Variants in CD58 observed in about 807,000 individuals in gnomAD.
CD58 encodes lymphocyte function-associated antigen 3.
In CD58, 14 loss-of-function variants were observed where a neutral mutation model predicts 27.6. The observed-to-expected ratio is 0.51, with a 90% CI of 0.34 to 0.79. CD58 has a LOEUF of 0.79. Ranked by LOEUF, CD58 falls within the 30% of genes least tolerant of loss-of-function variation. The pLI is 0.02. For missense variants in CD58, 268 were observed against 301.7 expected, an observed-to-expected ratio of 0.89 and a Z score of 0.83; for synonymous variants, 117 against 103.8, an observed-to-expected ratio of 1.13 and a Z score of -0.77.
At chr1:116,548,146 A>T (rs1658259741) in intron 1 of CD58, among the ~76,000 whole-genome samples, 1 of 151,502 alleles carries the variant, frequency 6.6e-6, no homozygotes, top group Non-Finnish European at 1.5e-5. Context: ...TTTTGATGGG[A>T]TTGTTTGCTT....
In CD58 at chr1:116,529,230, C is replaced by A. The variant is rs543298576; in HGVS notation, c.628+6735G>T. ...TAATCTGTATAAGTCTGTCTATATT[C>A]ACGTGCTGCCATAAACCAGCTTTCT... On this transcript the variant is annotated intron_variant, in intron 3 of 5. Coordinates refer to ENST00000369489, the MANE Select transcript of CD58 (RefSeq NM_001779.3). 7.9e-5 allele frequency among the ~76,000 whole-genome samples: 12 copies of A among 152,314 alleles called. No homozygotes were observed. The South Asian group carries it at 1.9e-3, about 24-fold the overall frequency.
Position 116,551,936 on chromosome 1 carries a change from C to T in CD58, c.71-7332G>A, listed in dbSNP as rs1033622541. ...TGTATTTTTAGTAGAGACGGGGTTT[C>T]GCCATGTTGGCCAGGTTGGTCTCAA... is the stretch of plus-strand genomic sequence containing the variant. On this transcript the variant is annotated intron_variant, in intron 1 of 5. Transcript: ENST00000369489. 1.6e-3 allele frequency among the ~76,000 whole-genome samples: 248 copies of T among 152,182 alleles called. 3 individuals are homozygous for T. The highest frequency in any genetic ancestry group is 5.4e-4 in the Non-Finnish European group (37 of 68,002).
At position 116,541,786 on chromosome 1, in the gene CD58, T is replaced by C. The variant is rs1657996346; in HGVS notation, c.364+2525A>G. 1.3e-5 allele frequency among the ~76,000 whole-genome samples: 2 copies of C among 152,204 alleles called. No individual in the cohort carries two copies. The highest frequency in any genetic ancestry group is 2.9e-5 in the Non-Finnish European group (2 of 68,034). On this transcript the variant is annotated intron_variant, in intron 2 of 5. Coordinates refer to ENST00000369489, the MANE Select transcript of CD58 (RefSeq NM_001779.3). The surrounding 1 kb of genome is among the most constrained non-coding windows in gnomAD (Gnocchi z 5.3). ...AGGAGCTCGGCGGGGTACTCTGGGC[T>C]AGAGCTCTAGATCTGTACATTATTA...
chr1:116,557,349 C>G lies in CD58; in HGVS notation c.71-12745G>C, dbSNP rs1658599166. On this transcript the variant is annotated intron_variant, in intron 1 of 5. Transcript: ENST00000369489. This position sits in a 1 kb window ranked among gnomAD's most constrained non-coding sequence, Gnocchi z 5.2. ...CAGGAGCCCTCATATACAACCAAAA[C>G]AGACTCAGTTTTTCAGCCCCACTTT... Among the ~76,000 whole-genome samples the G allele has an allele frequency of 6.6e-6, 1 of 152,146 alleles. No homozygotes were observed. The highest frequency in any genetic ancestry group is 1.5e-5 in the Non-Finnish European group (1 of 68,038).
At chr1:116,533,049 C>G (rs1657669784) in intron 3 of CD58, 1 of 728,424 alleles carries the variant, frequency 1.4e-6, no homozygotes, top group Admixed American at 1.8e-5. Context: ...TCTTCTTCAC[C>G]TTCGTCAAAA....
At chr1:116,525,655 A>G (rs879142663) in intron 3 of CD58, among the ~76,000 whole-genome samples, 3 of 152,208 alleles carry the variant, frequency 2.0e-5, no homozygotes, top group Non-Finnish European at 4.4e-5. Flanking sequence ...CCCACCTGCA[A>G]TGAATGAGAG....
chr1:116,565,773 G>A (rs956063070), intron 1 of CD58, among the ~76,000 whole-genome samples: 56 of 150,492 alleles, frequency 3.7e-4, no homozygotes, highest in African/African-American at 1.3e-3. Context: ...CCAGGCTGGA[G>A]TGCAGTGTTG....
intron 1 of CD58, among the ~76,000 whole-genome samples, chr1:116,547,336 T>C (rs1658215279): frequency 6.6e-6 from 1 of 151,270 alleles, no homozygotes; most frequent in Admixed American, 6.6e-5. Flanking sequence ...TTTTTTTTTT[T>C]TTTCTTTTGA....
In CD58 at chr1:116,544,407, G is replaced by A; in HGVS notation, c.268C>T (p.Leu90Phe). The change falls in exon 2 of 6, where the codon CTC (leucine) becomes TTC (phenylalanine). Residue 90 changes from leucine (L) to phenylalanine (F), a missense_variant. Physicochemically the swap from Leu to Phe is conservative, Grantham distance 22. Coordinates refer to ENST00000369489, the MANE Select transcript of CD58 (RefSeq NM_001779.3). ...RVYLDTVSGS[L>F]TIYNLTSSDE... ...GATGATGTTAAGTTGTAGATAGTGA[G>A]GCTACCTGACACAGTGTCTAAATAA... The A allele has an allele frequency of 6.2e-7, 1 of 1,613,050 alleles. No homozygotes were observed. Among genetic ancestry groups the A allele is most frequent in the Non-Finnish European group, 8.5e-7 (1 of 1,179,180 alleles).
chr1:116,551,043 C>A (rs1387732519), intron 1 of CD58, among the ~76,000 whole-genome samples: 1 of 152,108 alleles, frequency 6.6e-6, no homozygotes, highest in Non-Finnish European at 1.5e-5. Context: ...TGTCATCCAG[C>A]CTGTTGTTCC....
At chr1:116,526,121 A>G (rs938336216) in intron 3 of CD58, among the ~76,000 whole-genome samples, 10 of 152,198 alleles carry the variant, frequency 6.6e-5, no homozygotes, top group Non-Finnish European at 7.3e-5. Flanking sequence ...TGTCTTTTGC[A>G]AATATTTTCT....
intron 2 of CD58, among the ~76,000 whole-genome samples, chr1:116,543,084 T>A (rs1658044184): frequency 6.6e-6 from 1 of 152,006 alleles, no homozygotes; most frequent in Admixed American, 6.5e-5. Flanking sequence ...TGCAACCACA[T>A]GGGTGTGAGC....
chr1:116,525,304 A>G (rs1265842349), intron 3 of CD58, among the ~76,000 whole-genome samples: 1 of 152,226 alleles, frequency 6.6e-6, no homozygotes, highest in Non-Finnish European at 1.5e-5. Flanking sequence ...TAGCCTGTTC[A>G]GATTGGATTC....
At chr1:116,561,119 C>T (rs533924112) in intron 1 of CD58, among the ~76,000 whole-genome samples, 1 of 152,320 alleles carries the variant, frequency 6.6e-6, no homozygotes, top group African/African-American at 2.4e-5. Flanking sequence ...TACCTACCCT[C>T]AAAGCCTGTA....
Position 116,523,550 on chromosome 1 carries a change from A to G in CD58, c.629-1567T>C, listed in dbSNP as rs1657334861. 6.6e-6 allele frequency among the ~76,000 whole-genome samples: 1 copy of G among 152,194 alleles called. No individual in the cohort carries two copies. Among genetic ancestry groups the G allele is most frequent in the South Asian group, 2.1e-4 (1 of 4,826 alleles). On this transcript the variant is annotated intron_variant, in intron 3 of 5. Transcript: ENST00000369489. This position sits in a 1 kb window ranked among gnomAD's most constrained non-coding sequence, Gnocchi z 4.4. ...CAGAAACTGCTAGGTGCCCCCGAAC[A>G]TCATTTTCCCTTCTTTAGTAGCAAA... is the stretch of plus-strand genomic sequence containing the variant.
chr1:116,562,567 A>G (rs537162158), intron 1 of CD58, among the ~76,000 whole-genome samples: 1 of 152,344 alleles, frequency 6.6e-6, no homozygotes, highest in Non-Finnish European at 1.5e-5. Flanking sequence ...TAATTTATCA[A>G]GGAAAGAGGC....
At position 116,531,545 on chromosome 1, in the gene CD58, C is replaced by T. The variant is rs1187887403; in HGVS notation, c.628+4420G>A. Among the ~76,000 whole-genome samples, 1 of 151,940 alleles carries T rather than the reference C, an allele frequency of 6.6e-6. No homozygotes were observed. Among genetic ancestry groups the T allele is most frequent in the Non-Finnish European group, 1.5e-5 (1 of 67,936 alleles). The stretch of plus-strand genomic sequence containing the variant: ...ATCGTATGCCTTGGGTATTATGTAA[C>T]ACTCAAAAGGTGGAATTAATAAAGG... On this transcript the variant is annotated intron_variant, in intron 3 of 5. Coordinates refer to ENST00000369489, the MANE Select transcript of CD58 (RefSeq NM_001779.3). The surrounding 1 kb of genome is among the most constrained non-coding windows in gnomAD (Gnocchi z 4.5).
Position 116,534,400 on chromosome 1 carries a change from C to G in CD58, c.628+1565G>C, listed in dbSNP as rs561275306. Among the ~76,000 whole-genome samples, 6 of 152,368 alleles carry G rather than the reference C, an allele frequency of 3.9e-5. No homozygotes were observed. The highest frequency in any genetic ancestry group is 1.2e-4 in the African/African-American group (5 of 41,590). On this transcript the variant is annotated intron_variant, in intron 3 of 5. Transcript: ENST00000369489. This position sits in a 1 kb window ranked among gnomAD's most constrained non-coding sequence, Gnocchi z 5.3. ...GTCCTGGACGTCTCCACCTTAAAAA[C>G]GGGAAGCCTGAATGCTCCTCCGGGT...
At chr1:116,549,603 A>G (rs985027505) in intron 1 of CD58, among the ~76,000 whole-genome samples, 29 of 152,368 alleles carry the variant, frequency 1.9e-4, no homozygotes, top group African/African-American at 7.0e-4. Context: ...ATTTTAAAAC[A>G]TAAATTATAC....
Sources: gnomAD v4.1 joint callset for allele counts (sites outside exome capture counted in the v4.1 genomes callset) on GRCh38, gnomAD v4.1.1 for gene constraint, Gnocchi (gnomAD v3.1) non-coding constraint, MANE v1.5 for transcripts, NCBI Gene and HGNC (gene_info 2026-07-23, HGNC 2026-07-21) for gene names.